The following USP31 variants were observed in gnomAD, a reference collection of about 807,000 sequenced individuals.
The protein encoded by USP31 is ubiquitin specific peptidase 31.
USP31 carries 44 observed loss-of-function variants against 119.4 expected under a neutral mutation model. The observed-to-expected ratio is 0.37, with a 90% confidence interval of 0.29 to 0.47. The LOEUF (loss-of-function observed/expected upper bound fraction) is 0.47, where lower values mean the gene tolerates loss of function less well. USP31 is among the 20% of genes least tolerant of loss of function. USP31 has a pLI of 0.99. For synonymous variants in USP31, 749 were observed against 705.6 expected, an observed-to-expected ratio of 1.06 and a Z score of -0.97; for missense variants, 1,643 against 1,730.2, an observed-to-expected ratio of 0.95 and a Z score of 0.89.
At chr16:23,085,536 T>C in intron 10 of USP31, 49 bp downstream of exon 10, 1 of 1,507,444 alleles carries the variant, frequency 6.6e-7, no homozygotes, top group East Asian at 2.3e-5. Flanking sequence ...GCTATAAAAA[T>C]GATAATTAAA....
At chr16:23,109,775 A>T (rs1596718258) in intron 1 of USP31, among the ~76,000 whole-genome samples, 1 of 151,942 alleles carries the variant, frequency 6.6e-6, no homozygotes. Context: ...TCCTCCCAAA[A>T]ACCCATGGCC....
At chr16:23,118,883 G>A (rs111936710) in intron 1 of USP31, among the ~76,000 whole-genome samples, 2 of 151,816 alleles carry the variant, frequency 1.3e-5, no homozygotes, top group Non-Finnish European at 2.9e-5. Flanking sequence ...TGAGGCAGGA[G>A]GATCGCTTGA....
chr16:23,070,350 C>T (rs553615614), intron 15 of USP31, among the ~76,000 whole-genome samples: 12 of 152,244 alleles, frequency 7.9e-5, no homozygotes, highest in East Asian at 5.8e-4. Context: ...TGTGGATCAA[C>T]GCAAAGAGCT....
rs959836598 is a variant in USP31, at chr16:23,066,162, TGAA to T, written c.*1881_*1883del. 1 of 152,012 alleles carries T rather than the reference TGAA, an allele frequency of 6.6e-6. No homozygotes were observed. The highest frequency in any genetic ancestry group is 1.5e-5 in the Non-Finnish European group (1 of 67,996). 9.4% of individuals were successfully genotyped at this position (152,012 alleles called of 1,614,324 possible). On this transcript the variant is annotated 3_prime_UTR_variant, in exon 16 of 16. Transcript: ENST00000219689. ...TGAACAGTAAAACCAGGACAGCGAG[TGAA>T]GAAGTGAGTACAGGGCTGAGTGCAA...
chr16:23,089,475 T>C (rs2141851108), intron 7 of USP31, among the ~76,000 whole-genome samples: 1 of 152,330 alleles, frequency 6.6e-6, no homozygotes, highest in Non-Finnish European at 1.5e-5. Flanking sequence ...GAATCCCCAG[T>C]GTTTAGAACC....
In USP31 at chr16:23,072,065, C is replaced by G. The variant is rs750516985; in HGVS notation, c.2468G>C (p.Gly823Ala). 4 of 1,613,276 alleles carry G rather than the reference C, an allele frequency of 2.5e-6. No individual in the cohort carries two copies. In the Admixed American group the frequency reaches 5.0e-5, roughly 20 times the overall value. The stretch of plus-strand genomic sequence containing the variant: ...CCCACCATCATCTTCACTCCTTTCT[C>G]CAGTCATCTCCACGGACTCAGAGAG... ...ASLSESVEMT[G>A]ERSEDDGGFS... The change falls in exon 15 of 16, where the codon GGA (glycine) becomes GCA (alanine). Residue 823 changes from glycine to alanine, a missense_variant. Coordinates refer to ENST00000219689, the MANE Select transcript of USP31 (RefSeq NM_020718.4).
In USP31 at chr16:23,095,981, A is replaced by G. The variant is rs139531021; in HGVS notation, c.1235-5177T>C. 5.3e-5 allele frequency among the ~76,000 whole-genome samples: 8 copies of G among 152,364 alleles called. No individual in the cohort carries two copies. In the East Asian group the frequency reaches 1.5e-3, roughly 29 times the overall value. ...AAATAACATCATAATAACAGGATCA[A>G]ATTCACACATAACAATATTAACCTT... On this transcript the variant is annotated intron_variant, in intron 6 of 15. Coordinates refer to ENST00000219689, the MANE Select transcript of USP31 (RefSeq NM_020718.4).
intron 1 of USP31, 44 bp downstream of exon 1, chr16:23,148,594 A>T: frequency 1.4e-6 from 2 of 1,415,792 alleles, no homozygotes; most frequent in Non-Finnish European, 1.8e-6. Flanking sequence ...CAGGTGCCCC[A>T]GGGGCTCGGG....
chr16:23,114,046 A>C (rs1902409118), intron 1 of USP31, among the ~76,000 whole-genome samples: 1 of 152,092 alleles, frequency 6.6e-6, no homozygotes, highest in African/African-American at 2.4e-5. Context: ...TGGAGATTGC[A>C]GTGAGCCAAG....
At chr16:23,125,784 T>A (rs559261412) in intron 1 of USP31, among the ~76,000 whole-genome samples, 2 of 152,304 alleles carry the variant, frequency 1.3e-5, no homozygotes, top group African/African-American at 2.4e-5. Context: ...ATCTGTGTAA[T>A]TACTGGGAGC....
chr16:23,105,673 A>C, intron 4 of USP31, 97 bp from the exon 5 acceptor site: 1 of 1,323,024 alleles, frequency 7.6e-7, no homozygotes, highest in Non-Finnish European at 9.8e-7. Flanking sequence ...ACAAAAAACT[A>C]AAGCTAACCC....
intron 7 of USP31, among the ~76,000 whole-genome samples, chr16:23,090,187 C>A (rs1397591210): frequency 1.3e-5 from 2 of 152,104 alleles, no homozygotes; most frequent in African/African-American, 4.8e-5. Context: ...GAGTTTGAGA[C>A]CTGCCTGACC....
chr16:23,102,921 A>G (rs973225407), intron 5 of USP31, among the ~76,000 whole-genome samples: 2 of 152,240 alleles, frequency 1.3e-5, no homozygotes, highest in Non-Finnish European at 2.9e-5. Flanking sequence ...AAAAATAAAT[A>G]AAGTATACAG....
At chr16:23,135,761 T>A (rs1167531087) in intron 1 of USP31, among the ~76,000 whole-genome samples, 2 of 152,158 alleles carry the variant, frequency 1.3e-5, no homozygotes, top group Non-Finnish European at 2.9e-5. Context: ...ATTACCCAAA[T>A]CAATCTACAT....
chr16:23,131,087 A>T (rs1199553910), intron 1 of USP31, among the ~76,000 whole-genome samples: 1 of 152,200 alleles, frequency 6.6e-6, no homozygotes, highest in Non-Finnish European at 1.5e-5. Flanking sequence ...AGGTGTGAGG[A>T]TCACTCAAGG....
chr16:23,072,361 C>T (rs773111555), intron 14 of USP31, 164 bp from the exon 15 acceptor site: 39 of 882,604 alleles, frequency 4.4e-5, no homozygotes, highest in African/African-American at 8.3e-5. Context: ...CGTGCCTGTC[C>T]GAATATCCCC....
At chr16:23,110,131 G>T (rs1902259006) in intron 1 of USP31, among the ~76,000 whole-genome samples, 1 of 152,140 alleles carries the variant, frequency 6.6e-6, no homozygotes, top group African/African-American at 2.4e-5. Flanking sequence ...AAACTGAGTT[G>T]GGCTTCGTGG....
intron 1 of USP31, among the ~76,000 whole-genome samples, chr16:23,116,893 T>C (rs778955845): frequency 3.3e-5 from 5 of 152,210 alleles, no homozygotes; most frequent in Non-Finnish European, 7.4e-5. Flanking sequence ...TTGGACTCTG[T>C]TCACATTTGG....
chr16:23,119,297 C>T (rs943200217), intron 1 of USP31, among the ~76,000 whole-genome samples: 2 of 152,002 alleles, frequency 1.3e-5, no homozygotes, highest in Non-Finnish European at 1.5e-5. Context: ...TGGGTTTCAC[C>T]ATGTTGGCCA....
Sources: gnomAD v4.1 joint callset for allele counts (sites outside exome capture counted in the v4.1 genomes callset) on GRCh38, gnomAD v4.1.1 for gene constraint, MANE v1.5 for transcripts, NCBI Gene and HGNC (gene_info 2026-07-23, HGNC 2026-07-21) for gene names.